Variants in SPINK5 observed in about 807,000 individuals in gnomAD.
The protein encoded by SPINK5 is serine protease inhibitor Kazal-type 5.
SPINK5 carries 125 observed loss-of-function variants against 151.8 expected under a neutral mutation model. The ratio of observed to expected loss-of-function variants is 0.82; its 90% CI spans 0.71 to 0.96. The LOEUF (loss-of-function observed/expected upper bound fraction) is 0.96, where lower values mean the gene tolerates loss of function less well. Among genes scored for constraint, SPINK5 ranks in the 40% least tolerant of loss-of-function variants. The pLI, the probability that SPINK5 is intolerant of heterozygous loss-of-function variation, is 0.00. For synonymous variants in SPINK5, 374 were observed against 395.3 expected (o/e 0.95, Z 0.64); for missense variants, 1,194 against 1,291.9 (o/e 0.92, Z 1.16).
At chr5:148,126,802 G>T (rs1353433676) in intron 29 of SPINK5, among the ~76,000 whole-genome samples, 181 bp from the exon 30 acceptor site, 1 of 152,014 alleles carries the variant, frequency 6.6e-6, no homozygotes, top group African/African-American at 2.4e-5. Flanking sequence ...ATGTTGGCCA[G>T]GCTGGTCTCC....
intron 18 of SPINK5, 149 bp downstream of exon 18, chr5:148,108,986 C>T: frequency 2.9e-6 from 4 of 1,362,512 alleles, no homozygotes; most frequent in Non-Finnish European, 3.0e-6. Context: ...AAGAGTACTC[C>T]CCTTTCCTTA....
intron 5 of SPINK5, among the ~76,000 whole-genome samples, chr5:148,087,179 T>C (rs1470734696): frequency 6.6e-6 from 1 of 151,790 alleles, no homozygotes; most frequent in African/African-American, 2.4e-5. Context: ...TTCCCATCTC[T>C]CAACATTTAC....
chr5:148,075,789 C>T (rs182548910), intron 4 of SPINK5, among the ~76,000 whole-genome samples: 3 of 151,790 alleles, frequency 2.0e-5, no homozygotes, highest in African/African-American at 7.2e-5. Flanking sequence ...CCATTTCATC[C>T]CCTGGCTTGG....
intron 12 of SPINK5, among the ~76,000 whole-genome samples, chr5:148,100,039 C>T (rs185588711): frequency 1.3e-5 from 2 of 152,030 alleles, no homozygotes; most frequent in Non-Finnish European, 2.9e-5. Flanking sequence ...TTTCATAAAC[C>T]TGTGTGCGTA....
chr5:148,111,763 G>A lies in SPINK5; in HGVS notation c.1693-5G>A. ...CTTAAAACCTGCTTCTGCTTCATTT[G>A]GCAGGAGCTGTGCAGTGAATATCGT... On this transcript the variant is annotated splice_region_variant and splice_polypyrimidine_tract_variant and intron_variant, in intron 18 of 32. Coordinates refer to ENST00000256084, the MANE Select transcript of SPINK5 (RefSeq NM_006846.4). 1.2e-6 allele frequency: 2 copies of A among 1,613,914 alleles called. No individual in the cohort carries two copies. The highest frequency in any genetic ancestry group is 4.5e-5 in the East Asian group (2 of 44,870).
chr5:148,086,322 G>C (rs1753152110), intron 4 of SPINK5, 83 bp from the exon 5 acceptor site: 1 of 1,539,822 alleles, frequency 6.5e-7, no homozygotes. Flanking sequence ...CATTATTGTG[G>C]GCTTAAAATG....
chr5:148,111,660 C>A, intron 18 of SPINK5, 108 bp from the exon 19 acceptor site: 1 of 1,550,812 alleles, frequency 6.4e-7, no homozygotes, highest in Non-Finnish European at 8.8e-7. Context: ...TCAGCATCAC[C>A]TTTTCCATGC....
At chr5:148,105,152 TAAG>T in intron 16 of SPINK5, 152 bp downstream of exon 16, 1 of 835,594 alleles carries the variant, frequency 1.2e-6, no homozygotes, top group Non-Finnish European at 1.9e-6. Flanking sequence ...AGGGTCCTGA[TAAG>T]AAGTGTCCAG....
rs6872326 is a variant in SPINK5, at chr5:148,119,286, C to T, written c.2313+228C>T. ...CTTTACAAGGCATTTTTATAAATTA[C>T]AGTTTATTTAATTATTTCAACAGCC... On this transcript the variant is annotated intron_variant, in intron 24 of 32. Coordinates refer to ENST00000256084, the MANE Select transcript of SPINK5 (RefSeq NM_006846.4). 0.79 allele frequency among the ~76,000 whole-genome samples: 120,810 copies of T among 152,120 alleles called. 48,063 individuals carry two copies. The highest frequency in any genetic ancestry group is 0.91 in the East Asian group (4,726 of 5,170).
intron 5 of SPINK5, among the ~76,000 whole-genome samples, chr5:148,087,659 T>G (rs1753196536): frequency 6.6e-6 from 1 of 151,810 alleles, no homozygotes; most frequent in Non-Finnish European, 1.5e-5. Context: ...TATATTTAAT[T>G]CTTACTGTGT....
intron 11 of SPINK5, among the ~76,000 whole-genome samples, chr5:148,098,852 A>G (rs534532762): frequency 2.0e-5 from 3 of 152,058 alleles, no homozygotes; most frequent in Non-Finnish European, 4.4e-5. Context: ...TTCTCTGATT[A>G]ACAAGGGGAT....
chr5:148,116,446 G>C lies in SPINK5; in HGVS notation c.2092G>C (p.Gly698Arg), dbSNP rs1754094207. ...TGCTGCAGGACATGGTTCCAGTGGT[G>C]GTGGAGGAGGAAACACTCAGGTGAG... Reference protein sequence around the residue: ...RNAAGHGSSGGGGGNTQDECA... With the variant: ...RNAAGHGSSGRGGGNTQDECA... Residue 698 changes from glycine to arginine, a missense_variant, in exon 22 of 33, where the codon GGT (glycine) becomes CGT (arginine). Coordinates refer to ENST00000256084, the MANE Select transcript of SPINK5 (RefSeq NM_006846.4). The C allele has an allele frequency of 6.2e-7, 1 of 1,614,156 alleles. No individual in the cohort carries two copies. The highest frequency in any genetic ancestry group is 8.5e-7 in the Non-Finnish European group (1 of 1,179,994).
At chr5:148,094,271 C>A (rs368217390) in intron 8 of SPINK5, 83 bp from the exon 9 acceptor site, 36 of 1,462,856 alleles carry the variant, frequency 2.5e-5, no homozygotes, top group Middle Eastern at 1.8e-4. Flanking sequence ...ATCCACCCTG[C>A]GCAATGCAGC....
chr5:148,113,295 T>G (rs1302251794), intron 20 of SPINK5, among the ~76,000 whole-genome samples: 1 of 110,466 alleles, frequency 9.1e-6, no homozygotes, highest in Non-Finnish European at 1.7e-5. Flanking sequence ...TCCCATATAT[T>G]AATATTAAGA....
intron 26 of SPINK5, among the ~76,000 whole-genome samples, chr5:148,121,178 A>G (rs1409429643): frequency 2.0e-5 from 3 of 151,328 alleles, no homozygotes; most frequent in African/African-American, 7.3e-5. Flanking sequence ...GGAAAAGAAA[A>G]AGAAGAAAAG....
At chr5:148,116,844 G>A (rs1440414830) in intron 22 of SPINK5, among the ~76,000 whole-genome samples, 1 of 152,148 alleles carries the variant, frequency 6.6e-6, no homozygotes, top group Non-Finnish European at 1.5e-5. Flanking sequence ...ATCCAAGGCA[G>A]CATGATAGGA....
chr5:148,115,213 T>C (rs1754053380), intron 21 of SPINK5, among the ~76,000 whole-genome samples: 1 of 152,082 alleles, frequency 6.6e-6, no homozygotes, highest in South Asian at 2.1e-4. Context: ...TGACAGAAAG[T>C]AATGAGAGGA....
chr5:148,064,198 A>G (rs904106046), intron 1 of SPINK5, 99 bp downstream of exon 1: 1 of 1,220,504 alleles, frequency 8.2e-7, no homozygotes, highest in Non-Finnish European at 1.2e-6. Context: ...ATGTTTACGT[A>G]TGCATGTATA....
Position 148,112,013 on chromosome 5 carries a change from A to G in SPINK5, c.1820+118A>G, listed in dbSNP as rs915316373. ...GATAGATAATAAAGGCTGTCTTTGC[A>G]CTGAGTTTGGAAATTTACTATTATA... On this transcript the variant is annotated intron_variant, in intron 19 of 32. Coordinates refer to ENST00000256084, the MANE Select transcript of SPINK5 (RefSeq NM_006846.4). 4 of 1,493,678 alleles carry G rather than the reference A, an allele frequency of 2.7e-6. No homozygotes were observed. In the African/African-American group the frequency reaches 4.1e-5, roughly 15 times the overall value. The allele number at this position is 1,493,678 out of a possible 1,614,324, so 92.5% of individuals were successfully genotyped here.
Sources: allele counts gnomAD v4.1 joint callset (sites outside exome capture counted in the v4.1 genomes callset), GRCh38; gene constraint gnomAD v4.1.1; transcripts MANE v1.5; gene names NCBI Gene and HGNC (gene_info 2026-07-23, HGNC 2026-07-21).